DCAF8L2: variants seen among roughly 807,000 people sequenced by gnomAD.
DCAF8L2 encodes DDB1- and CUL4-associated factor 8-like protein 2.
For missense variants in DCAF8L2, 430 were observed against 490.7 expected (o/e 0.88, Z 1.17); for synonymous variants, 200 against 190.9 (o/e 1.05, Z -0.39).
the DCAF8L2 span, among the ~76,000 whole-genome samples, chrX:27,553,515 C>T: frequency 9.1e-6 from 1 of 109,559 alleles, no homozygotes; most frequent in Non-Finnish European, 1.9e-5. Context: ...CCTTCTTTGT[C>T]TTTTTTTTTA....
At chrX:27,582,977 T>C in the DCAF8L2 span, among the ~76,000 whole-genome samples, 2 of 111,929 alleles carry the variant, frequency 1.8e-5, no homozygotes, top group Admixed American at 1.9e-4. Flanking sequence ...ATGCAAATTC[T>C]GTTTCTCATC....
chrX:27,723,767 T>G (rs1931980741), intron 4 of DCAF8L2, among the ~76,000 whole-genome samples: 1 of 111,471 alleles, frequency 9.0e-6, no homozygotes, highest in Non-Finnish European at 1.9e-5. Flanking sequence ...TGAACAGGAT[T>G]ACTCATTGAG....
intron 2 of DCAF8L2, among the ~76,000 whole-genome samples, chrX:27,647,413 G>T (rs948371031): frequency 9.0e-6 from 1 of 110,939 alleles, no homozygotes; most frequent in Non-Finnish European, 1.9e-5. Context: ...TGTCGGGGAA[G>T]AGTGGAGGTG....
chrX:27,511,084 T>A, the DCAF8L2 span, among the ~76,000 whole-genome samples: 1 of 109,486 alleles, frequency 9.1e-6, no homozygotes, highest in Non-Finnish European at 1.9e-5. Context: ...AGCAAATATG[T>A]ACAACAGCTA....
intron 2 of DCAF8L2, among the ~76,000 whole-genome samples, chrX:27,649,203 C>G (rs1006565449): frequency 8.9e-6 from 1 of 112,001 alleles, no homozygotes; most frequent in Non-Finnish European, 1.9e-5. Context: ...CCAATCCAAT[C>G]CACCAGTGTT....
At chrX:27,577,006 C>T in the DCAF8L2 span, among the ~76,000 whole-genome samples, 4 of 111,993 alleles carry the variant, frequency 3.6e-5, no homozygotes, top group South Asian at 7.4e-4. Context: ...TTTCTTAATA[C>T]ATTTATCATG....
chrX:27,668,814 G>C (rs1401498746), intron 2 of DCAF8L2, among the ~76,000 whole-genome samples: 3 of 110,967 alleles, frequency 2.7e-5, no homozygotes, highest in Non-Finnish European at 3.8e-5. Context: ...TTAGCCAGGC[G>C]TGGTGGTGGG....
At chrX:27,691,169 G>T (rs1487400408) in intron 3 of DCAF8L2, among the ~76,000 whole-genome samples, 20 of 111,282 alleles carry the variant, frequency 1.8e-4, no homozygotes, top group Non-Finnish European at 7.6e-5. Flanking sequence ...AAATCAAATT[G>T]CAGCAATTCA....
At chrX:27,726,046 C>T (rs936762318) in intron 4 of DCAF8L2, among the ~76,000 whole-genome samples, 3 of 111,490 alleles carry the variant, frequency 2.7e-5, no homozygotes, top group East Asian at 2.8e-4. Flanking sequence ...CTCTTGCTTG[C>T]GTACCCTACT....
At chrX:27,664,261 G>GA (rs1376281792) in intron 2 of DCAF8L2, among the ~76,000 whole-genome samples, 1 of 110,977 alleles carries the variant, frequency 9.0e-6, no homozygotes, top group African/African-American at 3.3e-5. Context: ...TAAGAAAGGG[G>GA]AAAAAACCTC....
rs1292062565 is a variant in DCAF8L2 at position 27,653,683 on chromosome X, TAG to T, written c.-220+21684_-220+21685del. Among the ~76,000 whole-genome samples the T allele has an allele frequency of 4.7e-5, 5 of 107,440 alleles. No homozygotes were observed. In the East Asian group the frequency reaches 1.2e-3, roughly 25 times the overall value. 93.3% of individuals were successfully genotyped at this position (107,440 alleles called of 115,157 possible). A position where few individuals can be genotyped will look rare whatever the true frequency, so the allele number is the denominator to read the frequency against. On this transcript the variant is annotated intron_variant, in intron 2 of 4. Transcript: ENST00000451261. ...ATAATATATACATATATAGAACTTT[TAG>T]TCAATCATGGGGCATGCAGTGATAA...
chrX:27,611,498 GT>G (rs1401011171), intron 1 of DCAF8L2, among the ~76,000 whole-genome samples: 3 of 109,770 alleles, frequency 2.7e-5, no homozygotes, highest in Non-Finnish European at 5.7e-5. Flanking sequence ...CAGCGTGCAA[GT>G]TTGTGACATA....
intron 1 of DCAF8L2, among the ~76,000 whole-genome samples, chrX:27,620,094 C>A (rs770421327): frequency 9.0e-6 from 1 of 111,492 alleles, no homozygotes; most frequent in Non-Finnish European, 1.9e-5. Context: ...AATGTAAATT[C>A]AAGCTAATTG....
rs1348400452 is a variant in DCAF8L2, at chrX:27,748,209, A to G, written c.1314A>G (p.Leu438=). 14 of 1,210,544 alleles carry G rather than the reference A, an allele frequency of 1.2e-5. No homozygotes were observed. Among genetic ancestry groups the G allele is most frequent in the African/African-American group, 5.2e-5 (3 of 57,336 alleles). ...VVYSHDGTEL[L]ASYNDDDIYL... ...ACAGCCACGATGGCACAGAGCTGCTAGCCAGCTACAATGATGACGATATTT... is the reference window on the plus strand; with the variant it reads ...ACAGCCACGATGGCACAGAGCTGCTGGCCAGCTACAATGATGACGATATTT... Residue 438 remains leucine, a synonymous_variant, in exon 5 of 5, where the codon CTA becomes CTG. Transcript: ENST00000451261.
chrX:27,532,126 A>G, the DCAF8L2 span, among the ~76,000 whole-genome samples: 2 of 110,284 alleles, frequency 1.8e-5, no homozygotes, highest in Admixed American at 2.0e-4. Flanking sequence ...TGACTGCTCT[A>G]GTGGGGCAAT....
Position 27,744,648 on chromosome X carries a change from T to C in DCAF8L2, c.-58-2190T>C, listed in dbSNP as rs140294049. 2.8e-4 allele frequency among the ~76,000 whole-genome samples: 31 copies of C among 111,887 alleles called. 1 individual carries two copies. The East Asian group carries it at 8.7e-3, about 31-fold the overall frequency. On this transcript the variant is annotated intron_variant, in intron 4 of 4. Transcript: ENST00000451261. The stretch of plus-strand genomic sequence containing the variant: ...TATCAAAAAAACTGATGCCCAGTGT[T>C]GAAAGTGGGGCCAGGTGGGAGGTGT...
intron 2 of DCAF8L2, among the ~76,000 whole-genome samples, chrX:27,672,182 A>T (rs1387801874): frequency 8.9e-6 from 1 of 112,032 alleles, no homozygotes. Flanking sequence ...TTACTGTAAA[A>T]TAATCTGTCA....
chrX:27,549,482 T>A, the DCAF8L2 span, among the ~76,000 whole-genome samples: 164 of 111,731 alleles, frequency 1.5e-3, no homozygotes, highest in African/African-American at 4.9e-3. Context: ...GAACTCTTTT[T>A]ATAAAATATA....
At chrX:27,644,008 C>A (rs1046330740) in intron 2 of DCAF8L2, among the ~76,000 whole-genome samples, 2 of 111,586 alleles carry the variant, frequency 1.8e-5, no homozygotes, top group Non-Finnish European at 3.8e-5. Flanking sequence ...ATTGCTTCTG[C>A]CAGAAGCATT....
Sources: allele counts gnomAD v4.1 joint callset (sites outside exome capture counted in the v4.1 genomes callset), GRCh38; gene constraint gnomAD v4.1.1; transcripts MANE v1.5; gene names NCBI Gene and HGNC (gene_info 2026-07-23, HGNC 2026-07-21).